The following C16orf89 variants were observed in gnomAD, a reference collection of about 807,000 sequenced individuals.
C16orf89 encodes chromosome 16 open reading frame 89.
Under a neutral mutation model 41.5 loss-of-function variants are expected in C16orf89, and 57 were observed. The ratio of observed to expected loss-of-function variants is 1.38; its 90% CI spans 1.11 to 1.71. C16orf89 has a LOEUF of 1.71. Ranked by LOEUF, C16orf89 falls within the 40% of genes most tolerant of loss-of-function variation. C16orf89 has a pLI of 0.00. For missense variants in C16orf89, 575 were observed against 445.9 expected (o/e 1.29, Z -2.61); for synonymous variants, 223 against 190.6 (o/e 1.17, Z -1.40).
At chr16:5,044,604 G>C in intron 7 of C16orf89, 126 bp from the exon 8 acceptor site, 1 of 1,503,670 alleles carries the variant, frequency 6.7e-7, no homozygotes, top group Non-Finnish European at 8.9e-7. Flanking sequence ...CACTTTGGGA[G>C]CCTGAGGTGG....
chr16:5,062,686 G>T, intron 1 of C16orf89, 112 bp from the exon 2 acceptor site: 4 of 1,187,536 alleles, frequency 3.4e-6, no homozygotes, highest in Non-Finnish European at 4.7e-6. Flanking sequence ...GAGCCTCTCT[G>T]CCTTCTCCAG....
intron 6 of C16orf89, among the ~76,000 whole-genome samples, chr16:5,054,105 C>T (rs539212984): frequency 4.6e-5 from 7 of 152,336 alleles, no homozygotes; most frequent in African/African-American, 7.2e-5. Context: ...CTTTTAAAAA[C>T]GCACCATCTT....
At chr16:5,047,841 T>G (rs368393803) in intron 7 of C16orf89, 37 bp downstream of exon 7, 213 of 1,206,640 alleles carry the variant, frequency 1.8e-4, no homozygotes, top group Admixed American at 6.7e-4. Flanking sequence ...GATATCTTAG[T>G]TTCATGTCAA....
intron 6 of C16orf89, among the ~76,000 whole-genome samples, chr16:5,048,197 T>TA (rs1275636419): frequency 2.0e-5 from 3 of 151,978 alleles, no homozygotes; most frequent in East Asian, 1.9e-4. Context: ...TCCAGCTATT[T>TA]AAAAAAAATT....
At chr16:5,054,274 T>G (rs1470785671) in intron 6 of C16orf89, among the ~76,000 whole-genome samples, 1 of 152,182 alleles carries the variant, frequency 6.6e-6, no homozygotes, top group Non-Finnish European at 1.5e-5. Flanking sequence ...TATGCTCATT[T>G]ATTTTCAGAC....
chr16:5,062,467 A>T lies in C16orf89; in HGVS notation c.316T>A (p.Ser106Thr), dbSNP rs1170047646. Residue 106 changes from serine (S) to threonine (T), a missense_variant, in exon 2 of 8, where the codon TCC (serine) becomes ACC (threonine). Physicochemically the swap from Ser to Thr is moderately conservative, Grantham distance 58. Transcript: ENST00000472572. The part of the protein sequence containing the change: ...GEKLEAAIQR[S>T]LHYLKLSDPK... ...TCACTCAGCTTGAGGTAGTGGAGGG[A>T]TCTCTGGATGGCAGCCTCCAGCTTC... 6.8e-6 allele frequency: 11 copies of T among 1,613,932 alleles called. No homozygotes were observed. Among genetic ancestry groups the T allele is most frequent in the Middle Eastern group, 1.7e-4 (1 of 6,060 alleles).
chr16:5,055,082 C>G (rs984016760), intron 6 of C16orf89, among the ~76,000 whole-genome samples, 164 bp downstream of exon 6: 1 of 152,178 alleles, frequency 6.6e-6, no homozygotes, highest in Non-Finnish European at 1.5e-5. Context: ...AGGCTCCGAG[C>G]CCGTTTCTCC....
chr16:5,057,548 G>C (rs1417590069), intron 4 of C16orf89, among the ~76,000 whole-genome samples: 2 of 150,486 alleles, frequency 1.3e-5, no homozygotes, highest in Non-Finnish European at 2.9e-5. Flanking sequence ...TATATATAGA[G>C]AGCGGCATAT....
rs1956490201 is a variant in C16orf89 at position 5,055,909 on chromosome 16, G to A, written c.763+144C>T. ...AAGTTCAAATTTAACTGAGCACTCT[G>A]TATTTTTACTTGCTTAATCTGGCAA... On this transcript the variant is annotated intron_variant, in intron 5 of 7. Transcript: ENST00000472572. 6.4e-6 allele frequency: 8 copies of A among 1,250,660 alleles called. No individual in the cohort carries two copies. In the East Asian group the frequency reaches 2.1e-4, roughly 32 times the overall value. 77.5% of individuals were successfully genotyped at this position (1,250,660 alleles called of 1,614,324 possible).
At position 5,047,953 on chromosome 16, in the gene C16orf89, C is replaced by G; in HGVS notation, c.880G>C (p.Glu294Gln). ...TATTGAATAGCTTTAGATAATTCTTCATCTTCAGCATCTGGGAGAAGAGCA... is the reference window on the plus strand; with the variant it reads ...TATTGAATAGCTTTAGATAATTCTTGATCTTCAGCATCTGGGAGAAGAGCA... ...GCFGEPDAED[E>Q]ELSKAIQYQQ... The change falls in exon 7 of 8, where the codon GAA becomes CAA. Residue 294 changes from glutamate to glutamine, a missense_variant. Glu to Gln is a conservative substitution (Grantham distance 29). Transcript: ENST00000472572. 6.4e-7 allele frequency: 1 copy of G among 1,572,468 alleles called. No individual in the cohort carries two copies. Among genetic ancestry groups the G allele is most frequent in the Non-Finnish European group, 8.7e-7 (1 of 1,143,650 alleles).
intron 2 of C16orf89, among the ~76,000 whole-genome samples, chr16:5,061,787 G>A (rs1378798723): frequency 6.6e-6 from 1 of 152,148 alleles, no homozygotes; most frequent in African/African-American, 2.4e-5. Flanking sequence ...CCATGCATCT[G>A]ATGGGAGTGG....
intron 6 of C16orf89, among the ~76,000 whole-genome samples, chr16:5,052,157 A>G (rs957483797): frequency 1.3e-5 from 2 of 151,960 alleles, no homozygotes; most frequent in Non-Finnish European, 2.9e-5. Context: ...AATGAGCTGC[A>G]TAGACATCTC....
intron 1 of C16orf89, among the ~76,000 whole-genome samples, chr16:5,064,749 G>A (rs1030715510): frequency 2.0e-5 from 3 of 152,202 alleles, no homozygotes; most frequent in African/African-American, 7.2e-5. Context: ...TGTGGCGTGG[G>A]TGGAGAAGCC....
intron 6 of C16orf89, among the ~76,000 whole-genome samples, chr16:5,054,934 T>G (rs1200436159): frequency 6.6e-6 from 1 of 152,196 alleles, no homozygotes; most frequent in Admixed American, 6.5e-5. Context: ...CTCTTTTTCT[T>G]TATAAATCAC....
At chr16:5,058,667 T>A in intron 3 of C16orf89, 57 bp from the exon 4 acceptor site, 1 of 1,397,662 alleles carries the variant, frequency 7.2e-7, no homozygotes, top group South Asian at 1.2e-5. Context: ...GCCCTGCGTC[T>A]TCCCAGCCCC....
rs1956733139 is a variant in C16orf89, at chr16:5,065,941, C to T, written c.-33G>A. The T allele has an allele frequency of 3.7e-6, 6 of 1,606,352 alleles. No individual in the cohort carries two copies. The highest frequency in any genetic ancestry group is 5.1e-6 in the Non-Finnish European group (6 of 1,177,504). On this transcript the variant is annotated 5_prime_UTR_variant, in exon 1 of 8. Coordinates refer to ENST00000472572, the MANE Select transcript of C16orf89 (RefSeq NM_001098514.3). The stretch of plus-strand genomic sequence containing the variant: ...CTCTGCTCACTGCTGGTCACACGCT[C>T]AGCACCCTGAGCTCTGGCCAAGCCC...
rs200179638 is a variant in C16orf89 at position 5,051,128 on chromosome 16, T to G, written c.869-3164A>C. 5.3e-5 allele frequency among the ~76,000 whole-genome samples: 8 copies of G among 152,236 alleles called. No individual in the cohort carries two copies. In the East Asian group the frequency reaches 1.3e-3, roughly 26 times the overall value. On this transcript the variant is annotated intron_variant, in intron 6 of 7. Coordinates refer to ENST00000472572, the MANE Select transcript of C16orf89 (RefSeq NM_001098514.3). ...GTGAGGAAAAGTTGAAAGCTTTTCCTGTAAGAACTGGAACAACACAAGAGT... is the reference window on the plus strand; with the variant it reads ...GTGAGGAAAAGTTGAAAGCTTTTCCGGTAAGAACTGGAACAACACAAGAGT...
Position 5,044,934 on chromosome 16 carries a change from T to C in C16orf89, c.956-456A>G, listed in dbSNP as rs891333117. 1.3e-5 allele frequency: 16 copies of C among 1,219,794 alleles called. No homozygotes were observed. In the African/African-American group the frequency reaches 1.8e-4, roughly 14 times the overall value. 75.6% of individuals were successfully genotyped at this position (1,219,794 alleles called of 1,614,324 possible). On this transcript the variant is annotated intron_variant, in intron 7 of 7. Transcript: ENST00000472572. ...CGGTGCTCCCTTAGGCCCCTTTTGC[T>C]GGGCCGGGTGCTCTTCCGCCAGCTG...
chr16:5,052,411 G>A (rs760691845), intron 6 of C16orf89, among the ~76,000 whole-genome samples: 5 of 152,056 alleles, frequency 3.3e-5, no homozygotes, highest in Admixed American at 6.5e-5. Context: ...GCAACATGGC[G>A]AAACTCTGTC....
Sources: gnomAD v4.1 joint callset for allele counts (sites outside exome capture counted in the v4.1 genomes callset) on GRCh38, gnomAD v4.1.1 for gene constraint, MANE v1.5 for transcripts, NCBI Gene and HGNC (gene_info 2026-07-23, HGNC 2026-07-21) for gene names.